STX11: variants seen among roughly 807,000 people sequenced by gnomAD.
STX11 encodes syntaxin 11, also known as syntaxin-11.
STX11 carries 21 observed loss-of-function variants against 19.9 expected under a neutral mutation model. That is an observed-to-expected ratio of 1.06 (90% CI 0.75 to 1.52). The LOEUF (loss-of-function observed/expected upper bound fraction) is 1.52. STX11 is among the 40% of genes most tolerant of loss of function. The probability of loss-of-function intolerance (pLI) is 0.00; values close to 1 mark genes in which losing one functional copy is unlikely to be tolerated. For missense variants in STX11, 438 were observed against 405.9 expected (o/e 1.08, Z -0.68); for synonymous variants, 193 against 174.4 (o/e 1.11, Z -0.84).
At chr6:144,143,464 C>A in the STX11 span, among the ~76,000 whole-genome samples, 29 of 152,148 alleles carry the variant, frequency 1.9e-4, no homozygotes, top group Non-Finnish European at 3.1e-4. Context: ...TGTAATGGAA[C>A]CTTTGACTGA....
Position 144,177,683 on chromosome 6 carries a change from A to T in STX11, c.-5-8940A>T, listed in dbSNP as rs914930153. Among the ~76,000 whole-genome samples the T allele has an allele frequency of 6.6e-6, 1 of 152,092 alleles. No individual in the cohort carries two copies. Among genetic ancestry groups the T allele is most frequent in the Non-Finnish European group, 1.5e-5 (1 of 68,004 alleles). ...GAGAATTGCTTGAACCCGGGAGGCA[A>T]AGGTTGCGGTGAGCCAAGATTGCAC... On this transcript the variant is annotated intron_variant, in intron 1 of 1. Coordinates refer to ENST00000367568, the MANE Select transcript of STX11 (RefSeq NM_003764.4). This position sits in a 1 kb window ranked among gnomAD's most constrained non-coding sequence, Gnocchi z 4.4.
the STX11 span, among the ~76,000 whole-genome samples, chr6:144,143,561 T>A: frequency 6.6e-6 from 1 of 152,242 alleles, no homozygotes; most frequent in Non-Finnish European, 1.5e-5. Context: ...TGGGGCCTTT[T>A]GTTGAGGGGC....
At chr6:144,145,752 A>C (rs1271217961), upstream of STX11, among the ~76,000 whole-genome samples, 1 of 152,194 alleles carries the variant, frequency 6.6e-6, no homozygotes, top group Non-Finnish European at 1.5e-5. Context: ...TGAGTTAGAG[A>C]GATGTTAGTA....
upstream of STX11, among the ~76,000 whole-genome samples, chr6:144,150,117 T>G (rs112662015): frequency 2.8e-3 from 430 of 152,276 alleles, 5 homozygotes; most frequent in African/African-American, 0.01. Flanking sequence ...CTGCCGCAGC[T>G]TCCGCAGCCA....
chr6:144,163,025 A>G (rs1466514500), intron 1 of STX11, among the ~76,000 whole-genome samples: 1 of 152,214 alleles, frequency 6.6e-6, no homozygotes, highest in Admixed American at 6.5e-5. Flanking sequence ...TTTAAACACT[A>G]AGCTATTCTT....
rs2128745942 is a variant in STX11 at position 144,151,760 on chromosome 6, A to G, written c.-6+1057A>G. 6.6e-6 allele frequency among the ~76,000 whole-genome samples: 1 copy of G among 152,354 alleles called. No homozygotes were observed. The highest frequency in any genetic ancestry group is 3.4e-3 in the Middle Eastern group (1 of 294). On this transcript the variant is annotated intron_variant, in intron 1 of 1. Transcript: ENST00000367568. This position sits in a 1 kb window ranked among gnomAD's most constrained non-coding sequence, Gnocchi z 4.6. ...TGGTGATTGTAAGTAACTCTCTAAAATCAAAATATTTCAGACAGTTTGTGT... is the reference window on the plus strand; with the variant it reads ...TGGTGATTGTAAGTAACTCTCTAAAGTCAAAATATTTCAGACAGTTTGTGT...
chr6:144,178,687 G>A (rs770068686), intron 1 of STX11, among the ~76,000 whole-genome samples: 16 of 152,184 alleles, frequency 1.1e-4, no homozygotes, highest in Non-Finnish European at 5.9e-5. Context: ...GAAAACAAGA[G>A]ACATTTAAAA....
chr6:144,164,772 C>A (rs1801435126), intron 1 of STX11, among the ~76,000 whole-genome samples: 2 of 152,182 alleles, frequency 1.3e-5, no homozygotes. Context: ...CGGCTCACTG[C>A]AACCTCCATC....
Position 144,187,238 on chromosome 6 carries a change from T to C in STX11, c.611T>C (p.Leu204Pro), listed in dbSNP as rs1133248. The C allele has an allele frequency of 1.2e-6, 2 of 1,613,678 alleles. No individual in the cohort carries two copies. Among genetic ancestry groups the C allele is most frequent in the Non-Finnish European group, 1.7e-6 (2 of 1,179,938 alleles). The change falls in exon 2 of 2, where the codon CTC becomes CCC. Residue 204 changes from leucine (L) to proline (P), a missense_variant. Transcript: ENST00000367568. This position sits in a 1 kb window ranked among gnomAD's most constrained non-coding sequence, Gnocchi z 5.6. ...GACGTGAAGGGCGCGCGGGCCGCCC[T>C]CAACGAGATCGAGAGCCGCCACCGC... The part of the protein sequence containing the change: ...LADVKGARAA[L>P]NEIESRHREL...
Position 144,177,566 on chromosome 6 carries a change from G to A in STX11, c.-5-9057G>A, listed in dbSNP as rs1801806322. Among the ~76,000 whole-genome samples the A allele has an allele frequency of 6.6e-6, 1 of 152,132 alleles. No individual in the cohort carries two copies. Among genetic ancestry groups the A allele is most frequent in the Admixed American group, 6.5e-5 (1 of 15,268 alleles). On this transcript the variant is annotated intron_variant, in intron 1 of 1. Coordinates refer to ENST00000367568, the MANE Select transcript of STX11 (RefSeq NM_003764.4). The surrounding 1 kb of genome is among the most constrained non-coding windows in gnomAD (Gnocchi z 4.4). ...GTTTGAGACCAACCTGGCCAATATA[G>A]TGAAACCCCATCTCTACTAAAAACA...
At chr6:144,150,915 A>G (rs987286072) in intron 1 of STX11, among the ~76,000 whole-genome samples, 2 of 152,140 alleles carry the variant, frequency 1.3e-5, no homozygotes, top group African/African-American at 2.4e-5. Context: ...ATAAAGCAGA[A>G]TGATTTTTTA....
In STX11 at chr6:144,187,395, C is replaced by T. The variant is rs780001809; in HGVS notation, c.768C>T (p.Thr256=). The change falls in exon 2 of 2, where the codon ACC becomes ACT. Residue 256 remains threonine, a synonymous_variant. Transcript: ENST00000367568. This position sits in a 1 kb window ranked among gnomAD's most constrained non-coding sequence, Gnocchi z 5.6. ...ACGTACAAAAGACGGTCGACTACAC[C>T]GGCCAGGCCAAGGCGCAGGTGCGGA... ...ELNVQKTVDY[T]GQAKAQVRKA... 3 of 1,611,104 alleles carry T rather than the reference C, an allele frequency of 1.9e-6. No homozygotes were observed. Among genetic ancestry groups the T allele is most frequent in the Admixed American group, 3.3e-5 (2 of 60,038 alleles).
the STX11 span, among the ~76,000 whole-genome samples, chr6:144,143,912 TTTTAAATAA>T: frequency 6.6e-6 from 1 of 152,326 alleles, no homozygotes; most frequent in East Asian, 1.9e-4. Flanking sequence ...TTAAGCTACT[TTTTAAATAA>T]TGGGGAAAAG....
chr6:144,140,772 G>C, the STX11 span: 2 of 985,202 alleles, frequency 2.0e-6, no homozygotes, highest in East Asian at 1.1e-4. Context: ...TGGATGAAGG[G>C]GAGGAAGAAG....
rs1015383351 is a variant in STX11 at position 144,182,003 on chromosome 6, C to G, written c.-5-4620C>G. 6.6e-6 allele frequency among the ~76,000 whole-genome samples: 1 copy of G among 152,170 alleles called. No individual in the cohort carries two copies. Among genetic ancestry groups the G allele is most frequent in the Non-Finnish European group, 1.5e-5 (1 of 68,032 alleles). On this transcript the variant is annotated intron_variant, in intron 1 of 1. Transcript: ENST00000367568. This position sits in a 1 kb window ranked among gnomAD's most constrained non-coding sequence, Gnocchi z 4.8. ...TTCTTCACCTCCATGCAAATTGAAGCAGGACTTATTTTTAGCAACTTGATG... is the reference window on the plus strand; with the variant it reads ...TTCTTCACCTCCATGCAAATTGAAGGAGGACTTATTTTTAGCAACTTGATG...
upstream of STX11, among the ~76,000 whole-genome samples, chr6:144,150,177 G>T (rs1001690367): frequency 1.1e-4 from 16 of 152,268 alleles, no homozygotes; most frequent in African/African-American, 3.6e-4. Flanking sequence ...GCAACGCACC[G>T]GACTGCAAAT....
the STX11 span, among the ~76,000 whole-genome samples, chr6:144,142,075 G>T: frequency 6.6e-6 from 1 of 151,206 alleles, no homozygotes; most frequent in African/African-American, 2.4e-5. Flanking sequence ...GAAGTCTTCT[G>T]CTTGTTGTTT....
In STX11 at chr6:144,167,480, A is replaced by G. The variant is rs536997303; in HGVS notation, c.-6+16777A>G. ...ATTGTGCATGACAAAGTTTATGTAC[A>G]TTGAACCATCAGAAAACAAAGGTGT... On this transcript the variant is annotated intron_variant, in intron 1 of 1. Transcript: ENST00000367568. The surrounding 1 kb of genome is among the most constrained non-coding windows in gnomAD (Gnocchi z 5.0). Among the ~76,000 whole-genome samples, 134 of 152,352 alleles carry G rather than the reference A, an allele frequency of 8.8e-4. No individual in the cohort carries two copies. Among genetic ancestry groups the G allele is most frequent in the African/African-American group, 3.0e-3 (126 of 41,580 alleles).
rs968829907 is a variant in STX11 at position 144,187,907 on chromosome 6, T to C, written c.*416T>C. On this transcript the variant is annotated 3_prime_UTR_variant, in exon 2 of 2. Transcript: ENST00000367568. This position sits in a 1 kb window ranked among gnomAD's most constrained non-coding sequence, Gnocchi z 5.6. ...GATGGAAACTTCAGTTCATTTACTT[T>C]GTCCTGAAAATTCCCTGGTTCTGTT... The C allele has an allele frequency of 3.1e-6, 1 of 327,476 alleles. No individual in the cohort carries two copies. Among genetic ancestry groups the C allele is most frequent in the African/African-American group, 2.1e-5 (1 of 47,532 alleles). 20.3% of individuals were successfully genotyped at this position (327,476 alleles called of 1,614,324 possible).
Sources: allele counts gnomAD v4.1 joint callset (sites outside exome capture counted in the v4.1 genomes callset), GRCh38; gene constraint gnomAD v4.1.1; non-coding constraint Gnocchi (gnomAD v3.1); transcripts MANE v1.5; gene names NCBI Gene and HGNC (gene_info 2026-07-23, HGNC 2026-07-21).